The following ADARB2 variants were observed in gnomAD, a reference collection of about 807,000 sequenced individuals.
The protein encoded by ADARB2 is adenosine deaminase RNA specific B2 (inactive).
In ADARB2, 25 loss-of-function variants were observed where a neutral mutation model predicts 62.2. That is an observed-to-expected ratio of 0.40 (90% CI 0.29 to 0.56). The LOEUF (loss-of-function observed/expected upper bound fraction) is 0.56, where lower values mean the gene tolerates loss of function less well. ADARB2 is among the 20% of genes least tolerant of loss of function. The probability of loss-of-function intolerance (pLI) is 0.43; values close to 1 mark genes in which losing one functional copy is unlikely to be tolerated. For missense variants in ADARB2, 1,071 were observed against 1,077.4 expected (o/e 0.99, Z 0.08); for synonymous variants, 572 against 500.8 (o/e 1.14, Z -1.90).
intron 1 of ADARB2, among the ~76,000 whole-genome samples, chr10:1,384,282 G>A (rs185467544): frequency 1.0e-3 from 152 of 152,354 alleles, no homozygotes; most frequent in Non-Finnish European, 1.9e-3. Context: ...CATTAGCAGA[G>A]TGGGGCACAG....
At chr10:1,705,092 G>A (rs1834872380) in intron 1 of ADARB2, among the ~76,000 whole-genome samples, 1 of 152,188 alleles carries the variant, frequency 6.6e-6, no homozygotes, top group Non-Finnish European at 1.5e-5. Context: ...AATGTAGGTT[G>A]ATTTTTAAAA....
chr10:1,339,177 G>A (rs1037396163), intron 3 of ADARB2, among the ~76,000 whole-genome samples: 2 of 152,184 alleles, frequency 1.3e-5, no homozygotes, highest in African/African-American at 4.8e-5. Flanking sequence ...CTGTAGCTGA[G>A]CATGGACCCC....
chr10:1,589,700 G>A (rs1404083883), intron 1 of ADARB2, among the ~76,000 whole-genome samples: 1 of 152,172 alleles, frequency 6.6e-6, no homozygotes, highest in Non-Finnish European at 1.5e-5. Flanking sequence ...ATGAGATGGA[G>A]TCTCGCTCTG....
intron 1 of ADARB2, among the ~76,000 whole-genome samples, chr10:1,688,856 GAC>G (rs1271900083): frequency 6.6e-6 from 1 of 152,154 alleles, no homozygotes; most frequent in Non-Finnish European, 1.5e-5. Context: ...TAAGCTGAGA[GAC>G]AGAGAGCTCT....
At chr10:1,350,993 C>T (rs1206512155) in intron 3 of ADARB2, among the ~76,000 whole-genome samples, 2 of 152,172 alleles carry the variant, frequency 1.3e-5, no homozygotes, top group Non-Finnish European at 2.9e-5. Flanking sequence ...AGGGTTTCCT[C>T]CAGGCCCGTT....
At chr10:1,493,921 A>AT (rs1235806998) in intron 1 of ADARB2, among the ~76,000 whole-genome samples, 2 of 151,100 alleles carry the variant, frequency 1.3e-5, no homozygotes, top group Admixed American at 6.6e-5. Context: ...ACGCCTGGCT[A>AT]TTTTTTGTAT....
chr10:1,590,152 C>T (rs375983402), intron 1 of ADARB2, among the ~76,000 whole-genome samples: 29 of 152,296 alleles, frequency 1.9e-4, no homozygotes, highest in South Asian at 6.2e-4. Context: ...GTGGTATCAT[C>T]GCAAGGCATA....
intron 1 of ADARB2, among the ~76,000 whole-genome samples, chr10:1,403,628 A>C (rs1269441919): frequency 6.6e-6 from 1 of 151,956 alleles, no homozygotes; most frequent in Non-Finnish European, 1.5e-5. Context: ...GCAGCTGCCC[A>C]CTCTGAGGGA....
chr10:1,499,631 A>G (rs1718423969), intron 1 of ADARB2, among the ~76,000 whole-genome samples: 1 of 149,554 alleles, frequency 6.7e-6, no homozygotes, highest in Admixed American at 6.6e-5. Flanking sequence ...ACCACTCACC[A>G]CTCATTCATC....
chr10:1,719,834 A>C (rs1182812497), intron 1 of ADARB2, among the ~76,000 whole-genome samples: 1 of 152,244 alleles, frequency 6.6e-6, no homozygotes, highest in Non-Finnish European at 1.5e-5. Context: ...AATCAAAATC[A>C]CCATGCAATA....
At chr10:1,630,399 C>G (rs1833828028) in intron 1 of ADARB2, among the ~76,000 whole-genome samples, 1 of 152,096 alleles carries the variant, frequency 6.6e-6, no homozygotes, top group Non-Finnish European at 1.5e-5. Context: ...GACACCCTTC[C>G]CTGGGTACCA....
At chr10:1,661,004 C>T (rs560045715) in intron 1 of ADARB2, among the ~76,000 whole-genome samples, 116 of 152,248 alleles carry the variant, frequency 7.6e-4, no homozygotes, top group African/African-American at 2.7e-3. Flanking sequence ...GAGATAACCT[C>T]GTCTCCAAAC....
At chr10:1,723,610 G>A (rs1835125046) in intron 1 of ADARB2, among the ~76,000 whole-genome samples, 1 of 152,188 alleles carries the variant, frequency 6.6e-6, no homozygotes. Context: ...TCAGCGAGAA[G>A]TGAGAACGGT....
intron 7 of ADARB2, among the ~76,000 whole-genome samples, chr10:1,204,919 C>T (rs1404267111): frequency 6.6e-6 from 1 of 152,222 alleles, no homozygotes; most frequent in Admixed American, 6.5e-5. Context: ...CTCTCAGTGA[C>T]CCCACCCAAC....
chr10:1,320,129 C>T (rs965249890), intron 3 of ADARB2, among the ~76,000 whole-genome samples: 5 of 152,212 alleles, frequency 3.3e-5, no homozygotes, highest in Non-Finnish European at 7.3e-5. Context: ...CTCACAGTGG[C>T]CTCCAGCCGC....
chr10:1,421,043 G>A (rs1296336925), intron 1 of ADARB2, among the ~76,000 whole-genome samples: 15 of 151,910 alleles, frequency 9.9e-5, no homozygotes, highest in Non-Finnish European at 2.9e-5. Context: ...TGCAACACTC[G>A]CCTCCAGGGG....
intron 4 of ADARB2, among the ~76,000 whole-genome samples, chr10:1,267,642 C>T (rs1324224972): frequency 6.6e-6 from 1 of 152,052 alleles, no homozygotes; most frequent in African/African-American, 2.4e-5. Flanking sequence ...GAAGACATTC[C>T]AGAAAAAAAC....
At chr10:1,321,969 G>A (rs1018780660) in intron 3 of ADARB2, among the ~76,000 whole-genome samples, 18 of 152,016 alleles carry the variant, frequency 1.2e-4, no homozygotes, top group Admixed American at 5.9e-4. Flanking sequence ...TTCTCGGTGA[G>A]GGATGAGAGC....
chr10:1,571,285 CTTT>C (rs768695693), intron 1 of ADARB2, among the ~76,000 whole-genome samples: 10 of 139,518 alleles, frequency 7.2e-5, no homozygotes, highest in Admixed American at 5.0e-4. Flanking sequence ...TCTATTTTTA[CTTT>C]TTTTTTTTTA....
Sources: gnomAD v4.1 joint callset for allele counts (sites outside exome capture counted in the v4.1 genomes callset) on GRCh38, gnomAD v4.1.1 for gene constraint, MANE v1.5 for transcripts, NCBI Gene and HGNC (gene_info 2026-07-23, HGNC 2026-07-21) for gene names.